The following NNMT variants were observed in gnomAD, a reference collection of about 807,000 sequenced individuals.
NNMT encodes nicotinamide N-methyltransferase.
In NNMT, 10 loss-of-function variants were observed where a neutral mutation model predicts 11.7. The ratio of observed to expected loss-of-function variants is 0.85; its 90% CI spans 0.53 to 1.45. NNMT has a LOEUF of 1.45. NNMT is among the 40% of genes most tolerant of loss of function. NNMT has a pLI of 0.00. For synonymous variants in NNMT, 143 were observed against 133.8 expected (o/e 1.07, Z -0.48); for missense variants, 381 against 319.4 (o/e 1.19, Z -1.47).
chr11:114,311,998 C>T (rs1433217937), intron 2 of NNMT, 47 bp from the exon 3 acceptor site: 1 of 1,521,042 alleles, frequency 6.6e-7, no homozygotes, highest in East Asian at 2.3e-5. Context: ...ATCTGGGTTC[C>T]CCATGACTGG....
At chr11:114,271,215 G>A (rs573977838) in intron 2 of NNMT, among the ~76,000 whole-genome samples, 16 of 152,218 alleles carry the variant, frequency 1.1e-4, no homozygotes, top group Non-Finnish European at 2.1e-4. Context: ...GAATAGAAGG[G>A]AGAGGGAAAT....
intron 2 of NNMT, among the ~76,000 whole-genome samples, chr11:114,301,165 G>C (rs1365529773): frequency 6.6e-6 from 1 of 152,118 alleles, no homozygotes; most frequent in African/African-American, 2.4e-5. Flanking sequence ...TAAAAATGGT[G>C]TAGCCATTTT....
chr11:114,296,835 AC>A, intron 1 of NNMT, 125 bp downstream of exon 1: 1 of 922,304 alleles, frequency 1.1e-6, no homozygotes, highest in South Asian at 1.6e-5. Flanking sequence ...CATTTATTTA[AC>A]TAGGATAAAA....
intron 2 of NNMT, among the ~76,000 whole-genome samples, chr11:114,285,744 C>G (rs1490315749): frequency 6.6e-6 from 1 of 152,200 alleles, no homozygotes; most frequent in Non-Finnish European, 1.5e-5. Context: ...GGAAGAGGCT[C>G]AGTAGTTGCT....
chr11:114,285,532 C>T (rs906926415), intron 2 of NNMT, among the ~76,000 whole-genome samples: 3 of 152,176 alleles, frequency 2.0e-5, no homozygotes, highest in Non-Finnish European at 4.4e-5. Context: ...AAATCTAGAG[C>T]AGGCCCTGCG....
chr11:114,288,011 CTG>C (rs1394917028), intron 2 of NNMT, among the ~76,000 whole-genome samples: 4 of 152,100 alleles, frequency 2.6e-5, no homozygotes, highest in Non-Finnish European at 5.9e-5. Flanking sequence ...TGGGCAATGT[CTG>C]TTTTAAATTT....
upstream of NNMT, among the ~76,000 whole-genome samples, chr11:114,295,141 GC>G (rs1469508878): frequency 1.3e-5 from 2 of 152,332 alleles, no homozygotes; most frequent in East Asian, 3.9e-4. Context: ...TGAGGAATGG[GC>G]CAACTGGTGG....
chr11:114,301,136 A>G lies in NNMT; in HGVS notation c.362+2978A>G, dbSNP rs1945434687. Among the ~76,000 whole-genome samples, 3 of 152,178 alleles carry G rather than the reference A, an allele frequency of 2.0e-5. No individual in the cohort carries two copies. The South Asian group carries it at 6.2e-4, about 32-fold the overall frequency. On this transcript the variant is annotated intron_variant, in intron 2 of 2. Transcript: ENST00000299964. ...AGGCTGTGGGGAAAGAGGAACTCTT[A>G]TTTATTGTTCGTGGGAATTAAAAAT...
At chr11:114,301,889 A>G (rs903814581) in intron 2 of NNMT, among the ~76,000 whole-genome samples, 3 of 151,940 alleles carry the variant, frequency 2.0e-5, no homozygotes, top group Non-Finnish European at 4.4e-5. Context: ...TTCTGTCTCT[A>G]TCTCACTCTC....
At chr11:114,299,819 T>C (rs916169857) in intron 2 of NNMT, among the ~76,000 whole-genome samples, 8 of 152,062 alleles carry the variant, frequency 5.3e-5, no homozygotes, top group African/African-American at 1.9e-4. Flanking sequence ...CAATATCCTT[T>C]TAATACCTTA....
At chr11:114,304,570 A>G (rs1471336416) in intron 2 of NNMT, among the ~76,000 whole-genome samples, 6 of 152,210 alleles carry the variant, frequency 3.9e-5, no homozygotes, top group African/African-American at 1.4e-4. Flanking sequence ...TCAACCTACA[A>G]CCTATTTCCT....
chr11:114,298,367 A>G, intron 2 of NNMT: 1 of 558,662 alleles, frequency 1.8e-6, no homozygotes, highest in Non-Finnish European at 3.2e-6. Flanking sequence ...AGAGTAATGG[A>G]AGACACAGGG....
chr11:114,280,676 G>A (rs1187565882), intron 2 of NNMT, among the ~76,000 whole-genome samples: 1 of 152,140 alleles, frequency 6.6e-6, no homozygotes, highest in Non-Finnish European at 1.5e-5. Context: ...GTGTCTCTGC[G>A]ATGTGCCCTT....
chr11:114,264,508 G>C (rs1478374932), intron 2 of NNMT, among the ~76,000 whole-genome samples: 1 of 152,106 alleles, frequency 6.6e-6, no homozygotes, highest in African/African-American at 2.4e-5. Flanking sequence ...CTAATGTAGG[G>C]GGCTTCTCCC....
chr11:114,294,939 C>T (rs978351764), upstream of NNMT, among the ~76,000 whole-genome samples: 5 of 152,182 alleles, frequency 3.3e-5, no homozygotes, highest in African/African-American at 7.2e-5. Flanking sequence ...CTGGAACTTA[C>T]GCCCTGGCAT....
chr11:114,286,473 T>C (rs561194934), intron 2 of NNMT, among the ~76,000 whole-genome samples: 1 of 152,334 alleles, frequency 6.6e-6, no homozygotes, highest in Admixed American at 6.5e-5. Context: ...TATCTCATTG[T>C]TTTTCTTTAG....
intron 2 of NNMT, among the ~76,000 whole-genome samples, chr11:114,284,200 T>C (rs2156782): frequency 0.32 from 48,109 of 152,126 alleles, 8,944 homozygotes; most frequent in African/African-American, 0.52. Flanking sequence ...TTCCAGCCTC[T>C]CTGTGCCAGG....
chr11:114,305,462 T>C (rs528889968), intron 2 of NNMT, among the ~76,000 whole-genome samples: 1 of 152,198 alleles, frequency 6.6e-6, no homozygotes, highest in African/African-American at 2.4e-5. Flanking sequence ...ACTCGTCATT[T>C]ACATTAGGTA....
chr11:114,304,051 CTA>C (rs1363030338), intron 2 of NNMT, among the ~76,000 whole-genome samples: 4 of 151,896 alleles, frequency 2.6e-5, no homozygotes, highest in African/African-American at 9.7e-5. Flanking sequence ...TTTCTGTTGA[CTA>C]TGTGATTCTA....
Sources: allele counts gnomAD v4.1 joint callset (sites outside exome capture counted in the v4.1 genomes callset), GRCh38; gene constraint gnomAD v4.1.1; transcripts MANE v1.5; gene names NCBI Gene and HGNC (gene_info 2026-07-23, HGNC 2026-07-21).